Variants in UTRN observed in about 807,000 individuals in gnomAD.
UTRN encodes utrophin.
In UTRN, 283 loss-of-function variants were observed where a neutral mutation model predicts 463.9. The ratio of observed to expected loss-of-function variants is 0.61; its 90% confidence interval spans 0.55 to 0.67. The LOEUF is 0.67. UTRN is among the 30% of genes least tolerant of loss of function. The pLI, the probability that UTRN is intolerant of heterozygous loss-of-function variation, is 0.00. For synonymous variants in UTRN, 1,442 were observed against 1,431.5 expected, an observed-to-expected ratio of 1.01 and a Z score of -0.17; for missense variants, 3,922 against 4,084.3, an observed-to-expected ratio of 0.96 and a Z score of 1.08.
At chr6:144,634,832 T>C (rs559579983) in intron 51 of UTRN, among the ~76,000 whole-genome samples, 59 of 152,336 alleles carry the variant, frequency 3.9e-4, no homozygotes, top group African/African-American at 1.2e-3. Flanking sequence ...GTTCATGTTG[T>C]AGCTTTTGTG....
chr6:144,718,153 G>A (rs368130099), intron 53 of UTRN, among the ~76,000 whole-genome samples: 1 of 152,100 alleles, frequency 6.6e-6, no homozygotes, highest in East Asian at 1.9e-4. Context: ...GAGAAACATG[G>A]TAGAATTTTA....
chr6:144,751,685 T>C, intron 55 of UTRN, 121 bp from the exon 56 acceptor site: 2 of 945,728 alleles, frequency 2.1e-6, no homozygotes, highest in Non-Finnish European at 2.9e-6. Flanking sequence ...GGAAGTTTGG[T>C]TGAGAAAAAT....
At chr6:144,635,138 G>GTTTTTTTTTTT in intron 51 of UTRN, among the ~76,000 whole-genome samples, 1 of 103,112 alleles carries the variant, frequency 9.7e-6, no homozygotes, top group Non-Finnish European at 2.0e-5. Flanking sequence ...TTATTTGTGT[G>GTTTTTTTTTTT]TTTTTTTTTT....
chr6:144,433,591 C>T (rs185520150), intron 9 of UTRN, among the ~76,000 whole-genome samples: 25 of 147,494 alleles, frequency 1.7e-4, no homozygotes, highest in African/African-American at 1.5e-4. Flanking sequence ...TCAGATGGGG[C>T]GGTTGCCAGG....
At chr6:144,431,140 A>G (rs1415131376) in intron 9 of UTRN, among the ~76,000 whole-genome samples, 1 of 152,136 alleles carries the variant, frequency 6.6e-6, no homozygotes, top group Non-Finnish European at 1.5e-5. Context: ...TGATCTTCTG[A>G]GTTTGTTACA....
intron 51 of UTRN, among the ~76,000 whole-genome samples, chr6:144,666,440 T>C (rs571213591): frequency 6.6e-6 from 1 of 152,316 alleles, no homozygotes; most frequent in South Asian, 2.1e-4. Context: ...AGTGGCCAAT[T>C]TGCCAGTCAA....
At chr6:144,590,727 G>C (rs1802955018) in intron 51 of UTRN, among the ~76,000 whole-genome samples, 1 of 152,014 alleles carries the variant, frequency 6.6e-6, no homozygotes, top group African/African-American at 2.4e-5. Context: ...AATTCAAACA[G>C]TTCTGGCTTT....
chr6:144,548,655 A>G lies in UTRN; in HGVS notation c.6611A>G (p.Gln2204Arg), dbSNP rs1798630233. Residue 2204 changes from glutamine (Q) to arginine (R), a missense_variant, in exon 47 of 75, where the codon CAA becomes CGA. Gln to Arg is a conservative substitution (Grantham distance 43). Around this residue, in one of 3 missense-constraint regions of UTRN, gnomAD observed 2,349 missense variants for 2,303.8 expected, o/e 1.02. Coordinates refer to ENST00000367545, the MANE Select transcript of UTRN (RefSeq NM_007124.3). Reference sequence around the variant, plus strand: ...TTCATTTCAGCTCATCCTAATGTCCAAAAGGTGGTGCTAGTATCATCTGCG... The same window carrying G: ...TTCATTTCAGCTCATCCTAATGTCCGAAAGGTGGTGCTAGTATCATCTGCG... ...QTRIAAHPNV[Q>R]KVVLVSSASD... The G allele has an allele frequency of 1.9e-6, 3 of 1,613,418 alleles. No individual in the cohort carries two copies. The highest frequency in any genetic ancestry group is 1.1e-5 in the South Asian group (1 of 90,962).
chr6:144,420,641 TA>T (rs1784753144), intron 3 of UTRN, among the ~76,000 whole-genome samples: 1 of 152,244 alleles, frequency 6.6e-6, no homozygotes, highest in Non-Finnish European at 1.5e-5. Context: ...GGACTGGTAC[TA>T]GTTTTAAGCA....
At chr6:144,385,237 T>C (rs1354172560) in intron 2 of UTRN, among the ~76,000 whole-genome samples, 1 of 152,196 alleles carries the variant, frequency 6.6e-6, no homozygotes, top group Non-Finnish European at 1.5e-5. Flanking sequence ...GAGAACGTTA[T>C]CCTTCCTTTG....
At chr6:144,697,817 CAAA>C (rs1288870611) in intron 52 of UTRN, among the ~76,000 whole-genome samples, 1 of 152,060 alleles carries the variant, frequency 6.6e-6, no homozygotes, top group African/African-American at 2.4e-5. Context: ...TCTGTGCAGT[CAAA>C]GAAGACTGCA....
intron 33 of UTRN, among the ~76,000 whole-genome samples, chr6:144,497,278 A>T (rs558868976): frequency 1.3e-5 from 2 of 152,192 alleles, no homozygotes; most frequent in East Asian, 3.9e-4. Flanking sequence ...CATATGTAGG[A>T]AGTGAAATCA....
At chr6:144,556,586 ACT>A (rs1799403327) in intron 49 of UTRN, among the ~76,000 whole-genome samples, 1 of 152,168 alleles carries the variant, frequency 6.6e-6, no homozygotes, top group African/African-American at 2.4e-5. Flanking sequence ...TGATCCAGAG[ACT>A]CTCAGAGGCT....
At chr6:144,530,467 G>A (rs1473399915) in intron 41 of UTRN, among the ~76,000 whole-genome samples, 3 of 152,178 alleles carry the variant, frequency 2.0e-5, no homozygotes, top group Non-Finnish European at 2.9e-5. Flanking sequence ...ACATAATTCA[G>A]TATATAACAT....
At chr6:144,365,256 T>A (rs937131520) in intron 2 of UTRN, among the ~76,000 whole-genome samples, 1 of 152,242 alleles carries the variant, frequency 6.6e-6, no homozygotes, top group Admixed American at 6.5e-5. Context: ...GTTGATTTAA[T>A]AATTAATTTT....
At chr6:144,291,395 G>A (rs1317714983) in intron 1 of UTRN, among the ~76,000 whole-genome samples, 2 of 152,106 alleles carry the variant, frequency 1.3e-5, no homozygotes, top group African/African-American at 4.8e-5. Context: ...TTAAAGGCTT[G>A]GCTCAAATGT....
At chr6:144,552,472 T>G (rs1799010421) in intron 48 of UTRN, among the ~76,000 whole-genome samples, 2 of 152,198 alleles carry the variant, frequency 1.3e-5, no homozygotes, top group South Asian at 4.1e-4. Context: ...CATCTTGATG[T>G]TTTCTTTTAA....
At position 144,429,587 on chromosome 6, in the gene UTRN, C is replaced by T; in HGVS notation, c.701C>T (p.Ala234Val). Residue 234 changes from alanine (A) to valine (V), a missense_variant, in exon 9 of 75, where the codon GCC (alanine) becomes GTC (valine). By Grantham distance (64) the Ala-to-Val change is moderately conservative (BLOSUM62 0). Coordinates refer to ENST00000367545, the MANE Select transcript of UTRN (RefSeq NM_007124.3). ...IEKLLDPEDV[A>V]VQLPDKKSII... ...TATATTCTTCCACTTTTAGATGTTGCCGTTCAGCTTCCTGACAAGAAATCC... is the reference window on the plus strand; with the variant it reads ...TATATTCTTCCACTTTTAGATGTTGTCGTTCAGCTTCCTGACAAGAAATCC... The T allele has an allele frequency of 6.3e-7, 1 of 1,598,228 alleles. No homozygotes were observed. Among genetic ancestry groups the T allele is most frequent in the South Asian group, 1.1e-5 (1 of 88,530 alleles).
At position 144,474,752 on chromosome 6, in the gene UTRN, G is replaced by C; in HGVS notation, c.3329G>C (p.Ser1110Thr). ...GDYQTQLEKL[S>T]KEIATQKSRL... ...TACCAAACTCAACTGGAGAAACTTA[G>C]CAAGGAGGTGAGTTTTTCAACTTTA... Residue 1110 changes from serine (S) to threonine (T), a missense_variant, in exon 25 of 75, where the codon AGC (serine) becomes ACC (threonine). Physicochemically the swap from Ser to Thr is moderately conservative, Grantham distance 58. Around this residue, in one of 3 missense-constraint regions of UTRN, gnomAD observed 2,349 missense variants for 2,303.8 expected, o/e 1.02. Coordinates refer to ENST00000367545, the MANE Select transcript of UTRN (RefSeq NM_007124.3). The C allele has an allele frequency of 6.2e-7, 1 of 1,612,086 alleles. No individual in the cohort carries two copies. Among genetic ancestry groups the C allele is most frequent in the Non-Finnish European group, 8.5e-7 (1 of 1,179,486 alleles).
Sources: allele counts gnomAD v4.1 joint callset (sites outside exome capture counted in the v4.1 genomes callset), GRCh38; gene constraint gnomAD v4.1.1; regional missense constraint gnomAD v4.1.1; transcripts MANE v1.5; gene names NCBI Gene and HGNC (gene_info 2026-07-23, HGNC 2026-07-21).